CEBPZ: variants seen among roughly 807,000 people sequenced by gnomAD.
CEBPZ encodes CCAAT/enhancer-binding protein zeta.
A neutral mutation model predicts 104.5 loss-of-function variants in CEBPZ; 78 were observed. The ratio of observed to expected loss-of-function variants is 0.75; its 90% CI spans 0.62 to 0.90. The LOEUF (loss-of-function observed/expected upper bound fraction) is 0.90. Ranked by LOEUF, CEBPZ falls within the 40% of genes least tolerant of loss-of-function variation. CEBPZ has a pLI of 0.00. For synonymous variants in CEBPZ, 470 were observed against 427.0 expected (o/e 1.10, Z -1.24); for missense variants, 1,439 against 1,233.5 (o/e 1.17, Z -2.50).
Position 37,216,216 on chromosome 2 carries a change from G to C in CEBPZ, c.2312-8C>G. ...CAACACTATCTGTGTTTTCTGAAAT[G>C]TAAAATTATGACAGTATAATGCAAA... is the stretch of plus-strand genomic sequence containing the variant. On this transcript the variant is annotated splice_region_variant and splice_polypyrimidine_tract_variant and intron_variant, in intron 7 of 15. Coordinates refer to ENST00000234170, the MANE Select transcript of CEBPZ (RefSeq NM_005760.3). 1 of 1,611,440 alleles carries C rather than the reference G, an allele frequency of 6.2e-7. No homozygotes were observed. The highest frequency in any genetic ancestry group is 8.5e-7 in the Non-Finnish European group (1 of 1,178,554).
rs549530275 is a variant in CEBPZ, at chr2:37,221,377, C to T, written c.2066-904G>A. Reference sequence around the variant, plus strand: ...AACTTCTCCCTTTCCTAAATGGCAACAAAAGGTGCCCATTTTGGGGCCAAA... The same window carrying T: ...AACTTCTCCCTTTCCTAAATGGCAATAAAAGGTGCCCATTTTGGGGCCAAA... On this transcript the variant is annotated intron_variant, in intron 4 of 15. Coordinates refer to ENST00000234170, the MANE Select transcript of CEBPZ (RefSeq NM_005760.3). Among the ~76,000 whole-genome samples the T allele has an allele frequency of 2.6e-4, 40 of 152,188 alleles. No individual in the cohort carries two copies. In the Middle Eastern group the frequency reaches 0.014, roughly 52 times the overall value.
intron 13 of CEBPZ, among the ~76,000 whole-genome samples, chr2:37,205,351 G>A (rs1450143516): frequency 6.6e-6 from 1 of 152,132 alleles, no homozygotes; most frequent in African/African-American, 2.4e-5. Flanking sequence ...GCCTGTTCCT[G>A]CCTTAACTGA....
At position 37,228,284 on chromosome 2, in the gene CEBPZ, C is replaced by G; in HGVS notation, c.909G>C (p.Lys303Asn). The G allele has an allele frequency of 6.2e-7, 1 of 1,614,204 alleles. No individual in the cohort carries two copies. The highest frequency in any genetic ancestry group is 8.5e-7 in the Non-Finnish European group (1 of 1,180,026). Residue 303 changes from lysine (K) to asparagine (N), a missense_variant, in exon 2 of 16, where the codon AAG (lysine) becomes AAC (asparagine). Lys to Asn is a moderately conservative substitution (Grantham distance 94). Transcript: ENST00000234170. ...AAGGACGCTGGCTGAAAATCCTCAG[C>G]TTCCGATTGTCTGGCAAAAGGTCTG... is the stretch of plus-strand genomic sequence containing the variant. ...LITDLLPDNR[K>N]LRIFSQRPFD...
chr2:37,212,956 C>T (rs1186021525), intron 10 of CEBPZ, among the ~76,000 whole-genome samples: 1 of 151,634 alleles, frequency 6.6e-6, no homozygotes, highest in Non-Finnish European at 1.5e-5. Flanking sequence ...GGAAAATCGC[C>T]TGAGCCCAGA....
At chr2:37,210,572 G>C (rs1468197380) in intron 13 of CEBPZ, 1 of 153,374 alleles carries the variant, frequency 6.5e-6, no homozygotes, top group Non-Finnish European at 1.5e-5. Flanking sequence ...GCTAAGCAAT[G>C]AGGATGCAAA....
chr2:37,221,546 T>G (rs1369846620), intron 4 of CEBPZ, among the ~76,000 whole-genome samples: 3 of 152,200 alleles, frequency 2.0e-5, no homozygotes, highest in Non-Finnish European at 2.9e-5. Context: ...TATCTTCATG[T>G]TTTTAGAAAC....
chr2:37,210,282 CCCAGAG>C (rs1677679709), intron 13 of CEBPZ: 1 of 151,800 alleles, frequency 6.6e-6, no homozygotes, highest in Non-Finnish European at 1.5e-5. Flanking sequence ...CTGGGTACTA[CCCAGAG>C]GAAAATAAGT....
In CEBPZ at chr2:37,220,422, C is replaced by G; in HGVS notation, c.2117G>C (p.Cys706Ser). Reference sequence around the variant, plus strand: ...CCAAAGACTTGTATTTTCAGCTCCACAGAACAGAGGGTTTCTACTGAATGG... The same window carrying G: ...CCAAAGACTTGTATTTTCAGCTCCAGAGAACAGAGGGTTTCTACTGAATGG... ...YDPFSRNPLF[C>S]GAENTSLWEL... The change falls in exon 5 of 16, where the codon TGT (cysteine) becomes TCT (serine). Residue 706 changes from cysteine to serine, a missense_variant. Coordinates refer to ENST00000234170, the MANE Select transcript of CEBPZ (RefSeq NM_005760.3). The G allele has an allele frequency of 8.1e-6, 13 of 1,600,846 alleles. No individual in the cohort carries two copies. The highest frequency in any genetic ancestry group is 1.0e-5 in the Non-Finnish European group (12 of 1,172,544).
rs1664916529 is a variant in CEBPZ at position 37,227,526 on chromosome 2, G to A, written c.1649+18C>T. ...AAGTTATTATTTCATGTCTCATATT[G>A]GAAGGGTATGTTCTTACCTGTATAA... On this transcript the variant is annotated intron_variant, in intron 2 of 15. Transcript: ENST00000234170. The A allele has an allele frequency of 6.4e-7, 1 of 1,568,122 alleles. No homozygotes were observed. Among genetic ancestry groups the A allele is most frequent in the Non-Finnish European group, 8.6e-7 (1 of 1,158,462 alleles).
intron 5 of CEBPZ, 65 bp downstream of exon 5, chr2:37,220,320 A>AAG (rs200894529): frequency 0.055 from 23,647 of 428,976 alleles, 393 homozygotes; most frequent in East Asian, 0.084. Context: ...TGTCTCAAAA[A>AAG]AAAAAAAAAT....
chr2:37,218,653 C>T (rs572971523), intron 5 of CEBPZ, among the ~76,000 whole-genome samples: 4 of 152,262 alleles, frequency 2.6e-5, no homozygotes, highest in African/African-American at 9.6e-5. Flanking sequence ...CCTGTAATCC[C>T]AGCACTTTGG....
At chr2:37,212,879 C>CA (rs945484939) in intron 10 of CEBPZ, among the ~76,000 whole-genome samples, 420 of 91,048 alleles carry the variant, frequency 4.6e-3, no homozygotes, top group African/African-American at 0.013. Context: ...AAAAAAAAAA[C>CA]AAAAAAAAAA....
chr2:37,202,516 ATGCCTGTAATCCCAGCTACT>A (rs1451001412), intron 15 of CEBPZ: 2 of 266,946 alleles, frequency 7.5e-6, no homozygotes, highest in East Asian at 1.5e-4. Flanking sequence ...GTGGTGGTGC[ATGCCTGTAATCCCAGCTACT>A]TGGGAGGCTA....
chr2:37,204,038 C>T (rs1677418875), intron 13 of CEBPZ: 1 of 152,150 alleles, frequency 6.6e-6, no homozygotes, highest in African/African-American at 2.4e-5. Context: ...AAAATAGTTT[C>T]TAAAACATTT....
intron 13 of CEBPZ, 188 bp downstream of exon 13, chr2:37,210,811 A>C: frequency 2.1e-6 from 1 of 484,578 alleles, no homozygotes. Context: ...AAGATGATCC[A>C]GAGATATCTG....
chr2:37,219,407 T>C (rs1231413135), intron 5 of CEBPZ, among the ~76,000 whole-genome samples: 1 of 152,196 alleles, frequency 6.6e-6, no homozygotes, highest in East Asian at 1.9e-4. Context: ...TACTGGCTTT[T>C]TTTTTTTTAA....
At chr2:37,214,021 C>G (rs1677806109) in intron 9 of CEBPZ, 60 bp from the exon 10 acceptor site, 1 of 904,130 alleles carries the variant, frequency 1.1e-6, no homozygotes. Flanking sequence ...TACTATATAT[C>G]ATCAAAGCAC....
At chr2:37,211,660 C>A in intron 12 of CEBPZ, 183 bp downstream of exon 12, 1 of 524,424 alleles carries the variant, frequency 1.9e-6, no homozygotes, top group Non-Finnish European at 3.3e-6. Flanking sequence ...AGAAAACACA[C>A]ATAACACACA....
At chr2:37,218,945 T>C (rs868156416) in intron 5 of CEBPZ, among the ~76,000 whole-genome samples, 4 of 152,250 alleles carry the variant, frequency 2.6e-5, no homozygotes, top group African/African-American at 7.2e-5. Context: ...CACTGGCACA[T>C]TTCGTTATAC....
Sources: gnomAD v4.1 joint callset for allele counts (sites outside exome capture counted in the v4.1 genomes callset) on GRCh38, gnomAD v4.1.1 for gene constraint, MANE v1.5 for transcripts, NCBI Gene and HGNC (gene_info 2026-07-23, HGNC 2026-07-21) for gene names.